TYK2: variants seen among roughly 807,000 people sequenced by gnomAD.
TYK2 encodes tyrosine kinase 2, also known as non-receptor tyrosine-protein kinase TYK2.
In TYK2, 65 loss-of-function variants were observed where a neutral mutation model predicts 130.9. That is an observed-to-expected ratio of 0.50 (90% CI 0.41 to 0.61). TYK2 has a LOEUF of 0.61. TYK2 is among the 20% of genes least tolerant of loss of function. The pLI, the probability that TYK2 is intolerant of heterozygous loss-of-function variation, is 0.00. For synonymous variants in TYK2, 647 were observed against 658.9 expected (o/e 0.98, Z 0.28); for missense variants, 1,378 against 1,610.7 (o/e 0.86, Z 2.47).
chr19:10,354,997 C>T (rs2041016230), intron 18 of TYK2, among the ~76,000 whole-genome samples: 1 of 145,808 alleles, frequency 6.9e-6, no homozygotes, highest in African/African-American at 2.5e-5. Context: ...TTTGAGGCTG[C>T]AGTGAGTCTG....
chr19:10,372,575 C>T (rs1472179203), intron 3 of TYK2, among the ~76,000 whole-genome samples: 3 of 145,062 alleles, frequency 2.1e-5, no homozygotes, highest in African/African-American at 5.2e-5. Flanking sequence ...TTCAACCTCC[C>T]GGGCTCAAGT....
chr19:10,374,436 T>C (rs923795777), intron 3 of TYK2, among the ~76,000 whole-genome samples: 5 of 148,914 alleles, frequency 3.4e-5, no homozygotes, highest in Non-Finnish European at 7.4e-5. Context: ...AATACAAAAA[T>C]TAGCCAGGTG....
chr19:10,378,474 CCT>C (rs1190527671), intron 2 of TYK2, 48 bp from the exon 3 acceptor site: 1 of 1,492,912 alleles, frequency 6.7e-7, no homozygotes, highest in African/African-American at 1.4e-5. Context: ...CCCAGAGACC[CCT>C]GTTAGCTCTT....
Position 10,364,485 on chromosome 19 carries a change from G to C in TYK2, c.1367+129C>G. On this transcript the variant is annotated intron_variant, in intron 9 of 24. Coordinates refer to ENST00000525621, the MANE Select transcript of TYK2 (RefSeq NM_003331.5). The surrounding 1 kb of genome is among the most constrained non-coding windows in gnomAD (Gnocchi z 4.9). Reference sequence around the variant, plus strand: ...GCTGAGATCATGCCACTGCACTCCAGTTTGGGCGACAAAAAATAAAAAAAA... The same window carrying C: ...GCTGAGATCATGCCACTGCACTCCACTTTGGGCGACAAAAAATAAAAAAAA... The C allele has an allele frequency of 8.9e-7, 1 of 1,127,128 alleles. No individual in the cohort carries two copies. Among genetic ancestry groups the C allele is most frequent in the African/African-American group, 1.6e-5 (1 of 64,128 alleles). 69.8% of individuals were successfully genotyped at this position (1,127,128 alleles called of 1,614,324 possible). A position where few individuals can be genotyped will look rare whatever the true frequency, so the allele number is the denominator to read the frequency against.
Position 10,361,473 on chromosome 19 carries a change from C to A in TYK2, c.2047+38G>T. The A allele has an allele frequency of 2.6e-6, 4 of 1,542,054 alleles. No individual in the cohort carries two copies. Among genetic ancestry groups the A allele is most frequent in the Non-Finnish European group, 3.5e-6 (4 of 1,144,368 alleles). On this transcript the variant is annotated intron_variant, in intron 14 of 24. Coordinates refer to ENST00000525621, the MANE Select transcript of TYK2 (RefSeq NM_003331.5). The surrounding 1 kb of genome is among the most constrained non-coding windows in gnomAD (Gnocchi z 4.0). ...GGGAGTGGGTATAAGTCAGGGGTGG[C>A]CTGCCAAAGGGGGATGGGTATGGCG... is the stretch of plus-strand genomic sequence containing the variant.
chr19:10,361,914 C>T lies in TYK2; in HGVS notation c.1815G>A (p.Glu605=). The T allele has an allele frequency of 6.2e-7, 1 of 1,614,098 alleles. No homozygotes were observed. Among genetic ancestry groups the T allele is most frequent in the Admixed American group, 1.7e-5 (1 of 60,016 alleles). The part of the protein sequence containing the change: ...LGQGTRTNVY[E]GRLRVEGSGD... ...CGCTGCCCTCCACTCGCAGGCGGCC[C>T]TCATACACGTTGGTCCTTGTGCCCT... Residue 605 remains glutamate (E), a synonymous_variant, in exon 13 of 25, where the codon GAG becomes GAA. Coordinates refer to ENST00000525621, the MANE Select transcript of TYK2 (RefSeq NM_003331.5). The surrounding 1 kb of genome is among the most constrained non-coding windows in gnomAD (Gnocchi z 4.0).
intron 16 of TYK2, 28 bp downstream of exon 16, chr19:10,357,975 C>A (rs774982432): frequency 2.5e-6 from 4 of 1,613,494 alleles, no homozygotes; most frequent in South Asian, 1.1e-5. Flanking sequence ...AAGCCCCCCA[C>A]TGTGCCCAGG....
Position 10,379,631 on chromosome 19 carries a change from G to A in TYK2, c.-37C>T, listed in dbSNP as rs1166754820. ...CAAACATACCTGAGGGTGAGTCCTGGAGCTCCCTGTGTCAACTCAAGCAAG... is the reference window on the plus strand; with the variant it reads ...CAAACATACCTGAGGGTGAGTCCTGAAGCTCCCTGTGTCAACTCAAGCAAG... On this transcript the variant is annotated 5_prime_UTR_variant, in exon 2 of 25. Transcript: ENST00000525621. The A allele has an allele frequency of 5.9e-5, 9 of 152,178 alleles. No individual in the cohort carries two copies. Among genetic ancestry groups the A allele is most frequent in the Admixed American group, 5.2e-4 (8 of 15,266 alleles). 9.4% of individuals were successfully genotyped at this position (152,178 alleles called of 1,614,324 possible). A position where few individuals can be genotyped will look rare whatever the true frequency, so the allele number is the denominator to read the frequency against.
In TYK2 at chr19:10,361,722, G is replaced by T; in HGVS notation, c.1959+48C>A. ...CACCCCTCCCATCCCACCTCCTCCG[G>T]CCACCTCCTCCACAGACACACCCCC... On this transcript the variant is annotated intron_variant, in intron 13 of 24. Transcript: ENST00000525621. The surrounding 1 kb of genome is among the most constrained non-coding windows in gnomAD (Gnocchi z 4.0). 1 of 1,597,376 alleles carries T rather than the reference G, an allele frequency of 6.3e-7. No individual in the cohort carries two copies.
chr19:10,362,776 A>T, intron 9 of TYK2, 119 bp from the exon 10 acceptor site: 2 of 849,440 alleles, frequency 2.4e-6, no homozygotes, highest in Non-Finnish European at 3.8e-6. Context: ...CAAGTGTCAG[A>T]CACAGCCACT....
intron 5 of TYK2, 141 bp downstream of exon 5, chr19:10,367,914 C>T (rs1188294501): frequency 1.6e-5 from 15 of 946,716 alleles, no homozygotes; most frequent in Admixed American, 1.3e-4. Flanking sequence ...AGCAAGACTC[C>T]GTCTCAAAAA....
intron 3 of TYK2, among the ~76,000 whole-genome samples, chr19:10,372,272 C>T (rs1163973375): frequency 2.0e-5 from 3 of 146,784 alleles, no homozygotes; most frequent in Non-Finnish European, 4.5e-5. Context: ...GGATTACAGG[C>T]GTGAGCCACG....
chr19:10,377,400 GTGGA>G (rs766675211), intron 3 of TYK2, among the ~76,000 whole-genome samples: 1,725 of 105,376 alleles, frequency 0.016, 12 homozygotes, highest in African/African-American at 0.029. Flanking sequence ...GGGTGGGTGG[GTGGA>G]TGGATGGATG....
At chr19:10,355,160 C>T (rs2041028156) in intron 18 of TYK2, among the ~76,000 whole-genome samples, 4 of 150,622 alleles carry the variant, frequency 2.7e-5, no homozygotes, top group Admixed American at 2.0e-4. Flanking sequence ...GGCGTGGTGG[C>T]TCACACCTGT....
intron 22 of TYK2, 107 bp from the exon 23 acceptor site, chr19:10,352,658 G>A: frequency 1.3e-6 from 1 of 742,434 alleles, no homozygotes; most frequent in Admixed American, 2.4e-5. Context: ...GGGCTCAGTT[G>A]GGACCCACCC....
At chr19:10,377,579 G>T (rs1273326904) in intron 3 of TYK2, among the ~76,000 whole-genome samples, 1 of 85,264 alleles carries the variant, frequency 1.2e-5, no homozygotes, top group Non-Finnish European at 2.4e-5. Context: ...TGGGTGGGTG[G>T]ATGGATGGAT....
chr19:10,376,892 G>A (rs1243387596), intron 3 of TYK2, among the ~76,000 whole-genome samples: 9 of 151,614 alleles, frequency 5.9e-5, no homozygotes, highest in East Asian at 1.9e-4. Context: ...ATGAGCCACC[G>A]CGCCCGGCCT....
At position 10,364,769 on chromosome 19, in the gene TYK2, C is replaced by G. The variant is rs1443699251; in HGVS notation, c.1212G>C (p.Glu404Asp). ...CCGCAGCCCGGGAAGGCAAGCTCAGCTCCTGCCAGCCAGGGGCGCATCAGG... is the reference window on the plus strand; with the variant it reads ...CCGCAGCCCGGGAAGGCAAGCTCAGGTCCTGCCAGCCAGGGGCGCATCAGG... ...SIHRQDNKCL[E>D]LSLPSRAAAL... Residue 404 changes from glutamate (E) to aspartate (D), a missense_variant and splice_region_variant, in exon 9 of 25, where the codon GAG becomes GAC. Physicochemically the swap from Glu to Asp is conservative, Grantham distance 45. Transcript: ENST00000525621. This position sits in a 1 kb window ranked among gnomAD's most constrained non-coding sequence, Gnocchi z 4.9. The G allele has an allele frequency of 1.2e-6, 2 of 1,614,004 alleles. No homozygotes were observed. Among genetic ancestry groups the G allele is most frequent in the Middle Eastern group, 1.6e-4 (1 of 6,062 alleles).
chr19:10,359,507 A>C (rs922999721), intron 14 of TYK2, among the ~76,000 whole-genome samples: 5 of 152,202 alleles, frequency 3.3e-5, no homozygotes, highest in Non-Finnish European at 2.9e-5. Context: ...GGATGAGGGC[A>C]TTGGGGTCCA....
Sources: allele counts gnomAD v4.1 joint callset (sites outside exome capture counted in the v4.1 genomes callset), GRCh38; gene constraint gnomAD v4.1.1; non-coding constraint Gnocchi (gnomAD v3.1); transcripts MANE v1.5; gene names NCBI Gene and HGNC (gene_info 2026-07-23, HGNC 2026-07-21).